The following SUGCT variants were observed in gnomAD, a reference collection of about 807,000 sequenced individuals.
The protein encoded by SUGCT is succinyl-CoA:glutarate-CoA transferase.
Under a neutral mutation model 55.0 loss-of-function variants are expected in SUGCT, and 41 were observed. That is an observed-to-expected ratio of 0.74 (90% CI 0.58 to 0.97). The LOEUF (loss-of-function observed/expected upper bound fraction) is 0.97. SUGCT is among the 50% of genes least tolerant of loss of function. The probability of loss-of-function intolerance (pLI) is 0.00; values close to 1 mark genes in which losing one functional copy is unlikely to be tolerated. For synonymous variants in SUGCT, 187 were observed against 200.4 expected (o/e 0.93, Z 0.56); for missense variants, 568 against 547.8 (o/e 1.04, Z -0.37).
At chr7:40,353,169 T>A (rs1447659864) in intron 9 of SUGCT, among the ~76,000 whole-genome samples, 1 of 152,188 alleles carries the variant, frequency 6.6e-6, no homozygotes, top group Admixed American at 6.5e-5. Context: ...GCAACAACAA[T>A]CTGTGTTTCA....
chr7:40,949,559 G>A, the SUGCT span, among the ~76,000 whole-genome samples: 2 of 152,120 alleles, frequency 1.3e-5, no homozygotes, highest in South Asian at 2.1e-4. Context: ...GTATTGCCTA[G>A]GTTTTCTTCT....
At chr7:40,749,890 A>G (rs1787922398) in intron 13 of SUGCT, among the ~76,000 whole-genome samples, 1 of 152,202 alleles carries the variant, frequency 6.6e-6, no homozygotes, top group Admixed American at 6.5e-5. Flanking sequence ...CTGGAGTCCG[A>G]GGAAGGCTAC....
the SUGCT span, among the ~76,000 whole-genome samples, chr7:40,888,519 A>C: frequency 6.6e-6 from 1 of 152,098 alleles, no homozygotes; most frequent in Non-Finnish European, 1.5e-5. Flanking sequence ...AGTGTGTTTG[A>C]AAAATTAAAA....
chr7:40,983,252 T>A, the SUGCT span, among the ~76,000 whole-genome samples: 1 of 152,154 alleles, frequency 6.6e-6, no homozygotes, highest in Non-Finnish European at 1.5e-5. Context: ...GTCTGAGGCC[T>A]TCTCACCCCA....
At chr7:40,796,396 G>A (rs1006527973) in intron 13 of SUGCT, among the ~76,000 whole-genome samples, 2 of 152,146 alleles carry the variant, frequency 1.3e-5, no homozygotes, top group African/African-American at 4.8e-5. Flanking sequence ...ATGCTTGGGA[G>A]GATGGCAACT....
At position 40,313,270 on chromosome 7, in the gene SUGCT, GGAAT is replaced by G. The variant is rs776808543; in HGVS notation, c.721-3486_721-3483del. 4.5e-4 allele frequency among the ~76,000 whole-genome samples: 68 copies of G among 152,178 alleles called. 1 individual carries two copies. The highest frequency in any genetic ancestry group is 7.9e-4 in the Non-Finnish European group (54 of 68,004). On this transcript the variant is annotated intron_variant, in intron 8 of 13. Transcript: ENST00000335693. ...GATGAAATAATAAGCCTAAGTTTAG[GGAAT>G]GAAAGTAATGATCTAATGCAGTATT... is the stretch of plus-strand genomic sequence containing the variant.
At chr7:40,532,547 T>G (rs570889324) in intron 12 of SUGCT, among the ~76,000 whole-genome samples, 29 of 151,716 alleles carry the variant, frequency 1.9e-4, no homozygotes, top group African/African-American at 6.8e-4. Flanking sequence ...TGTGTGTGTG[T>G]GTGTGTGTGT....
chr7:40,450,837 C>G (rs958592488), intron 10 of SUGCT, among the ~76,000 whole-genome samples: 2 of 151,728 alleles, frequency 1.3e-5, no homozygotes, highest in African/African-American at 2.4e-5. Context: ...TTATTATGTA[C>G]AGAAATTACT....
chr7:40,597,430 G>A (rs1414159767), intron 12 of SUGCT, among the ~76,000 whole-genome samples: 1 of 152,074 alleles, frequency 6.6e-6, no homozygotes, highest in Non-Finnish European at 1.5e-5. Context: ...TCAATTTATT[G>A]TAACAAGTGT....
intron 7 of SUGCT, among the ~76,000 whole-genome samples, chr7:40,248,161 G>A (rs372876603): frequency 4.6e-5 from 7 of 151,970 alleles, no homozygotes; most frequent in Admixed American, 2.0e-4. Context: ...ACAGGCATGC[G>A]CCACCATGCC....
chr7:40,401,206 C>G (rs1308017322), intron 9 of SUGCT, among the ~76,000 whole-genome samples: 1 of 152,110 alleles, frequency 6.6e-6, no homozygotes, highest in African/African-American at 2.4e-5. Context: ...GGAATATTTA[C>G]TGTCATTACA....
intron 9 of SUGCT, among the ~76,000 whole-genome samples, chr7:40,385,429 A>C (rs1427005744): frequency 2.0e-5 from 3 of 152,164 alleles, no homozygotes; most frequent in Non-Finnish European, 4.4e-5. Flanking sequence ...TGAGTACTTT[A>C]AGTATAGTGC....
chr7:40,548,310 G>T (rs1367393936), intron 12 of SUGCT, among the ~76,000 whole-genome samples: 2 of 148,510 alleles, frequency 1.3e-5, no homozygotes, highest in East Asian at 4.0e-4. Flanking sequence ...CCGCTAAACT[G>T]TCTGAATAGC....
intron 11 of SUGCT, among the ~76,000 whole-genome samples, chr7:40,491,249 T>C (rs1791659499): frequency 6.6e-6 from 1 of 152,180 alleles, no homozygotes; most frequent in African/African-American, 2.4e-5. Context: ...GGAGGAATAT[T>C]GGAGGCAATA....
chr7:40,241,697 A>T (rs764976542), intron 7 of SUGCT, among the ~76,000 whole-genome samples: 2 of 151,874 alleles, frequency 1.3e-5, no homozygotes, highest in Non-Finnish European at 2.9e-5. Context: ...CGAGGCAGGC[A>T]GATCATGAGG....
chr7:40,893,927 G>A, the SUGCT span, among the ~76,000 whole-genome samples: 2 of 152,030 alleles, frequency 1.3e-5, no homozygotes, highest in African/African-American at 4.8e-5. Context: ...TGCACATGGT[G>A]GCAGGCACCT....
intron 12 of SUGCT, among the ~76,000 whole-genome samples, chr7:40,507,960 T>C (rs1006746780): frequency 1.3e-5 from 2 of 152,170 alleles, no homozygotes; most frequent in African/African-American, 2.4e-5. Context: ...TTTCTCTTAA[T>C]TGCTCCCCAG....
chr7:41,038,753 A>G, the SUGCT span, among the ~76,000 whole-genome samples: 4 of 152,028 alleles, frequency 2.6e-5, no homozygotes, highest in Admixed American at 1.3e-4. Context: ...CATAAAAGAG[A>G]GCACATTGGG....
chr7:40,263,900 G>A (rs577917601), intron 7 of SUGCT, among the ~76,000 whole-genome samples: 12 of 151,718 alleles, frequency 7.9e-5, no homozygotes, highest in East Asian at 1.9e-4. Context: ...GTCTCAATTC[G>A]TCATTTTTTT....
Sources: allele counts gnomAD v4.1 joint callset (sites outside exome capture counted in the v4.1 genomes callset), GRCh38; gene constraint gnomAD v4.1.1; transcripts MANE v1.5; gene names NCBI Gene and HGNC (gene_info 2026-07-23, HGNC 2026-07-21).